The following ABR variants were observed in gnomAD, a reference collection of about 807,000 sequenced individuals.
ABR encodes ABR activator of RhoGEF and GTPase.
A neutral mutation model predicts 107.2 loss-of-function variants in ABR; 35 were observed. The ratio of observed to expected loss-of-function variants is 0.33; its 90% CI spans 0.25 to 0.43. The LOEUF is 0.43. ABR is among the 20% of genes least tolerant of loss of function. The pLI, the probability that ABR is intolerant of heterozygous loss-of-function variation, is 1.00. For missense variants in ABR, 815 were observed against 1,115.2 expected (o/e 0.73, Z 3.83); for synonymous variants, 498 against 462.0 (o/e 1.08, Z -1.00).
chr17:1,059,676 C>T (rs2033709693), intron 10 of ABR, among the ~76,000 whole-genome samples: 1 of 152,188 alleles, frequency 6.6e-6, no homozygotes, highest in African/African-American at 2.4e-5. Context: ...CCTCAATGTT[C>T]CAAGTTTCTG....
Position 1,042,476 on chromosome 17 carries a change from G to A in ABR, c.1791+7574C>T, listed in dbSNP as rs567730028. 4.6e-5 allele frequency among the ~76,000 whole-genome samples: 7 copies of A among 151,094 alleles called. No individual in the cohort carries two copies. In the South Asian group the frequency reaches 6.3e-4, roughly 14 times the overall value. ...AAACAGACGTGGCAGCTACATCCAC[G>A]GGTGGGTGGACAAACAGATATGGCA... On this transcript the variant is annotated intron_variant, in intron 16 of 22. Coordinates refer to ENST00000302538, the MANE Select transcript of ABR (RefSeq NM_021962.5).
At chr17:1,125,484 A>C in intron 1 of ABR, 117 bp from the exon 2 acceptor site, 1 of 1,194,824 alleles carries the variant, frequency 8.4e-7, no homozygotes, top group Non-Finnish European at 1.2e-6. Context: ...CGCACCATCC[A>C]CGCCTGGCCC....
rs757968067 is a variant in ABR at position 1,006,188 on chromosome 17, G to A, written c.2491-19C>T. The A allele has an allele frequency of 2.3e-5, 35 of 1,551,374 alleles. No homozygotes were observed. In the Admixed American group the frequency reaches 4.6e-4, roughly 20 times the overall value. ...CCTGGACCTGTGGGGAGACAGGAAGGCGGAGGCTGGGCTCCCTGTCCTAGG... is the reference window on the plus strand; with the variant it reads ...CCTGGACCTGTGGGGAGACAGGAAGACGGAGGCTGGGCTCCCTGTCCTAGG... On this transcript the variant is annotated intron_variant, in intron 22 of 22. Transcript: ENST00000302538.
At chr17:1,180,221 C>T (rs374824429), upstream of ABR, among the ~76,000 whole-genome samples, 1 of 152,038 alleles carries the variant, frequency 6.6e-6, no homozygotes. Context: ...CCCCTCGTCC[C>T]CCCCGCGCCG....
At chr17:1,211,310 T>C (rs1439295328) in intron 1 of ABR, among the ~76,000 whole-genome samples, 1 of 138,118 alleles carries the variant, frequency 7.2e-6, no homozygotes, top group Non-Finnish European at 1.6e-5. Flanking sequence ...AATAAATAAA[T>C]AAATAATGAA....
chr17:1,012,451 C>G (rs1049171073), intron 18 of ABR: 78 of 692,782 alleles, frequency 1.1e-4, no homozygotes, highest in Non-Finnish European at 1.5e-4. Context: ...GAGGAGCAGA[C>G]GATCTGGGAT....
At chr17:1,185,922 GCCT>G (rs2042283807) in intron 1 of ABR, among the ~76,000 whole-genome samples, 1 of 151,372 alleles carries the variant, frequency 6.6e-6, no homozygotes, top group African/African-American at 2.4e-5. Context: ...TGCAACCTCT[GCCT>G]CCTGGGTTCA....
intron 14 of ABR, among the ~76,000 whole-genome samples, chr17:1,053,759 C>T (rs2032871443): frequency 2.6e-5 from 4 of 152,100 alleles, no homozygotes. Flanking sequence ...GCTGGGAGGC[C>T]ACGGGTCGGC....
upstream of ABR, among the ~76,000 whole-genome samples, chr17:1,190,632 T>G (rs1290678023): frequency 2.0e-5 from 3 of 151,922 alleles, no homozygotes; most frequent in South Asian, 2.1e-4. Flanking sequence ...AGAGTGAGGC[T>G]CCATCTCAAA....
Position 1,094,370 on chromosome 17 carries a change from A to ATTT in ABR, c.346-2523_346-2521dup, listed in dbSNP as rs541367607. Among the ~76,000 whole-genome samples, 18 of 139,924 alleles carry ATTT rather than the reference A, an allele frequency of 1.3e-4. 1 individual carries two copies. Among genetic ancestry groups the ATTT allele is most frequent in the East Asian group, 6.2e-4 (3 of 4,820 alleles). 91.8% of individuals were successfully genotyped at this position (139,924 alleles called of 152,430 possible). On this transcript the variant is annotated intron_variant, in intron 3 of 22. Transcript: ENST00000302538. ...TACACGATCATGGTCCCAGACTGCA[A>ATTT]TTTTTTTTTTTTTTTTTTGAGACAG...
intron 16 of ABR, among the ~76,000 whole-genome samples, chr17:1,024,862 G>C (rs1232842414): frequency 1.3e-5 from 2 of 151,786 alleles, no homozygotes; most frequent in African/African-American, 4.8e-5. Context: ...ACTCACGCCT[G>C]TAATCTCAGC....
At chr17:1,134,023 T>A (rs546365590) in intron 1 of ABR, among the ~76,000 whole-genome samples, 23 of 152,362 alleles carry the variant, frequency 1.5e-4, no homozygotes, top group African/African-American at 5.3e-4. Flanking sequence ...CTCATGCCTG[T>A]CATCCCAGCA....
chr17:1,168,327 C>T (rs1013107326), intron 1 of ABR, among the ~76,000 whole-genome samples: 2 of 152,072 alleles, frequency 1.3e-5, no homozygotes, highest in Non-Finnish European at 2.9e-5. Flanking sequence ...AAGTGCTAAG[C>T]GATGTGAGCC....
intron 1 of ABR, among the ~76,000 whole-genome samples, chr17:1,192,411 T>C (rs1423289496): frequency 6.6e-6 from 1 of 152,080 alleles, no homozygotes; most frequent in Admixed American, 6.6e-5. Context: ...CAGACAGTGG[T>C]CTGGACAGTG....
At chr17:1,109,240 C>A in intron 2 of ABR, 1 of 827,604 alleles carries the variant, frequency 1.2e-6, no homozygotes, top group Non-Finnish European at 1.7e-6. Context: ...CGCTCCGCCG[C>A]CGCCGCCGCC....
At chr17:1,109,872 A>G (rs1472494078) in intron 2 of ABR, among the ~76,000 whole-genome samples, 1 of 46,610 alleles carries the variant, frequency 2.1e-5, no homozygotes, top group East Asian at 7.7e-4. Context: ...CCCTCCTCCG[A>G]GCAGTCCCCC....
intron 16 of ABR, among the ~76,000 whole-genome samples, chr17:1,028,464 C>T (rs2072425106): frequency 6.6e-6 from 1 of 152,136 alleles, no homozygotes; most frequent in Admixed American, 6.5e-5. Flanking sequence ...GGACTCCTGA[C>T]ATCAGGTGAT....
At chr17:1,218,492 C>T (rs1286380137) in intron 1 of ABR, among the ~76,000 whole-genome samples, 1 of 152,146 alleles carries the variant, frequency 6.6e-6, no homozygotes, top group Non-Finnish European at 1.5e-5. Flanking sequence ...ATAACTTTGG[C>T]CCCAGAAAGA....
upstream of ABR, among the ~76,000 whole-genome samples, chr17:1,191,361 T>C (rs1319798890): frequency 7.1e-6 from 1 of 140,476 alleles, no homozygotes; most frequent in African/African-American, 2.6e-5. Flanking sequence ...TTTCTTTTTT[T>C]TTTTTTTTTT....
Sources: gnomAD v4.1 joint callset for allele counts (sites outside exome capture counted in the v4.1 genomes callset) on GRCh38, gnomAD v4.1.1 for gene constraint, MANE v1.5 for transcripts, NCBI Gene and HGNC (gene_info 2026-07-23, HGNC 2026-07-21) for gene names.